The following NUP188 variants were observed in gnomAD, a reference collection of about 807,000 sequenced individuals.
The protein encoded by NUP188 is nucleoporin 188, also known as nucleoporin NUP188.
In NUP188, 97 loss-of-function variants were observed where a neutral mutation model predicts 223.0. The ratio of observed to expected loss-of-function variants is 0.43; its 90% CI spans 0.37 to 0.51. The LOEUF is 0.51. Ranked by LOEUF, NUP188 falls within the 20% of genes least tolerant of loss-of-function variation. The probability of loss-of-function intolerance (pLI) is 0.00; values close to 1 mark genes in which losing one functional copy is unlikely to be tolerated. For synonymous variants in NUP188, 869 were observed against 828.0 expected, an observed-to-expected ratio of 1.05 and a Z score of -0.85; for missense variants, 1,947 against 2,175.6, an observed-to-expected ratio of 0.89 and a Z score of 2.09.
Position 128,967,606 on chromosome 9 carries a change from A to G in NUP188, c.586-900A>G, listed in dbSNP as rs917122813. Among the ~76,000 whole-genome samples, 6 of 152,066 alleles carry G rather than the reference A, an allele frequency of 3.9e-5. No individual in the cohort carries two copies. The South Asian group carries it at 1.0e-3, about 26-fold the overall frequency. On this transcript the variant is annotated intron_variant, in intron 8 of 43. Transcript: ENST00000372577. ...GGAGTTTGAAACCAGTCTGGCCAAC[A>G]TAGTGAAACCCTGTCTCTACTAAAA...
At chr9:128,947,819 C>T in intron 1 of NUP188, 68 bp downstream of exon 1, 2 of 1,303,058 alleles carry the variant, frequency 1.5e-6, no homozygotes, top group South Asian at 2.1e-5. Context: ...GGAAGCGGGG[C>T]GGGAATTGGA....
intron 1 of NUP188, 59 bp downstream of exon 1, chr9:128,947,810 G>A: frequency 1.5e-6 from 2 of 1,327,210 alleles, no homozygotes; most frequent in Non-Finnish European, 1.9e-6. Flanking sequence ...AAGCCGAGCG[G>A]AAGCGGGGCG....
rs751217562 is a variant in NUP188, at chr9:128,998,673, G to C, written c.3515+50G>C. ...GCCCGAGGCCAGAGCCTTCTTGTCA[G>C]TGCCTGCTTGCCTTCCTGAAAGGGA... On this transcript the variant is annotated intron_variant, in intron 32 of 43. Coordinates refer to ENST00000372577, the MANE Select transcript of NUP188 (RefSeq NM_015354.3). The C allele has an allele frequency of 2.8e-6, 4 of 1,431,216 alleles. No individual in the cohort carries two copies. The South Asian group carries it at 4.6e-5, about 16-fold the overall frequency. 88.7% of individuals were successfully genotyped at this position (1,431,216 alleles called of 1,614,324 possible).
In NUP188 at chr9:128,993,422, A is replaced by T. The variant is rs768896129; in HGVS notation, c.2847+19A>T. 6.2e-7 allele frequency: 1 copy of T among 1,613,558 alleles called. No homozygotes were observed. ...CTCAAAGGTAAGCCTGTAACCTGGGATGACACTGGGAGTTGGCTCACTGGG... is the reference window on the plus strand; with the variant it reads ...CTCAAAGGTAAGCCTGTAACCTGGGTTGACACTGGGAGTTGGCTCACTGGG... On this transcript the variant is annotated intron_variant, in intron 26 of 43. Transcript: ENST00000372577.
intron 13 of NUP188, 87 bp downstream of exon 13, chr9:128,979,414 G>A: frequency 1.1e-6 from 1 of 917,306 alleles, no homozygotes; most frequent in Non-Finnish European, 1.7e-6. Context: ...GCATTCATGT[G>A]CATTTTCTCA....
At chr9:128,977,797 T>TA (rs1171015825) in intron 12 of NUP188, among the ~76,000 whole-genome samples, 1 of 151,908 alleles carries the variant, frequency 6.6e-6, no homozygotes, top group East Asian at 1.9e-4. Context: ...AAACTTCATC[T>TA]AAAAAAAAGA....
intron 8 of NUP188, among the ~76,000 whole-genome samples, chr9:128,961,812 G>A (rs1374833609): frequency 6.6e-6 from 1 of 151,608 alleles, no homozygotes; most frequent in East Asian, 1.9e-4. Context: ...GTAGATACAG[G>A]GTTTCTCCAT....
At position 129,005,635 on chromosome 9, in the gene NUP188, T is replaced by C; in HGVS notation, c.4738-10T>C. 6.2e-7 allele frequency: 1 copy of C among 1,612,952 alleles called. No homozygotes were observed. The highest frequency in any genetic ancestry group is 8.5e-7 in the Non-Finnish European group (1 of 1,179,330). On this transcript the variant is annotated splice_polypyrimidine_tract_variant and intron_variant, in intron 40 of 43. Transcript: ENST00000372577. ...ATTGGGTCCTGGATGGCTCTTGTCTTTTCTCGCAGTCCCTGGACCTTGCTG... is the reference window on the plus strand; with the variant it reads ...ATTGGGTCCTGGATGGCTCTTGTCTCTTCTCGCAGTCCCTGGACCTTGCTG...
chr9:128,967,051 A>C (rs1842039732), intron 8 of NUP188, among the ~76,000 whole-genome samples: 1 of 152,216 alleles, frequency 6.6e-6, no homozygotes, highest in Non-Finnish European at 1.5e-5. Context: ...TGTGTCACCC[A>C]GGCTGGGGTA....
chr9:128,978,903 G>C (rs1224802838), intron 12 of NUP188, among the ~76,000 whole-genome samples: 2 of 152,058 alleles, frequency 1.3e-5, no homozygotes, highest in African/African-American at 4.8e-5. Flanking sequence ...TAGACATGGG[G>C]TTTCACCATG....
chr9:128,957,204 G>A (rs1841883452), intron 5 of NUP188, among the ~76,000 whole-genome samples, 172 bp downstream of exon 5: 1 of 152,186 alleles, frequency 6.6e-6, no homozygotes, highest in African/African-American at 2.4e-5. Flanking sequence ...TGGGTGCAAT[G>A]GCTTGTGCCT....
chr9:128,998,689 C>T (rs1842575855), intron 32 of NUP188, 66 bp downstream of exon 32: 1 of 1,296,138 alleles, frequency 7.7e-7, no homozygotes, highest in Non-Finnish European at 1.1e-6. Flanking sequence ...GCTTGCCTTC[C>T]TGAAAGGGAG....
intron 12 of NUP188, among the ~76,000 whole-genome samples, chr9:128,974,061 C>CCA (rs1842138220): frequency 6.6e-6 from 1 of 152,072 alleles, no homozygotes; most frequent in Non-Finnish European, 1.5e-5. Flanking sequence ...GAGGTGCCTG[C>CCA]CACCGCGCCC....
chr9:128,970,791 A>T lies in NUP188; in HGVS notation c.946A>T (p.Ile316Phe). ...CTGTTTAATGTTGACCTTTGGGGACATTCCACATCATGCCCCAGTGCTTTT... is the reference window on the plus strand; with the variant it reads ...CTGTTTAATGTTGACCTTTGGGGACTTTCCACATCATGCCCCAGTGCTTTT... ...MDCLMLTFGD[I>F]PHHAPVLLAW... Residue 316 changes from isoleucine to phenylalanine, a missense_variant, in exon 11 of 44, where the codon ATT (isoleucine) becomes TTT (phenylalanine). Ile to Phe is a conservative substitution (Grantham distance 21). Coordinates refer to ENST00000372577, the MANE Select transcript of NUP188 (RefSeq NM_015354.3). 1 of 1,614,220 alleles carries T rather than the reference A, an allele frequency of 6.2e-7. No homozygotes were observed. Among genetic ancestry groups the T allele is most frequent in the Non-Finnish European group, 8.5e-7 (1 of 1,180,044 alleles).
chr9:129,002,897 G>T lies in NUP188; in HGVS notation c.4218G>T (p.Gln1406His). Residue 1406 changes from glutamine (Q) to histidine (H), a missense_variant, in exon 37 of 44, where the codon CAG (glutamine) becomes CAT (histidine). Gln to His is a conservative substitution (Grantham distance 24). Coordinates refer to ENST00000372577, the MANE Select transcript of NUP188 (RefSeq NM_015354.3). ...GCCTGTCCATGTCCCTGATGGAGCA[G>T]CTGCTCAAAACTCTGCGCTACAACT... ...VYRLSMSLME[Q>H]LLKTLRYNFL... The T allele has an allele frequency of 6.2e-7, 1 of 1,614,226 alleles. No individual in the cohort carries two copies. The highest frequency in any genetic ancestry group is 8.5e-7 in the Non-Finnish European group (1 of 1,180,038).
At chr9:128,948,076 CGTG>C in intron 1 of NUP188, 1 of 271,126 alleles carries the variant, frequency 3.7e-6, no homozygotes, top group East Asian at 6.1e-5. Flanking sequence ...CTTCTCCGGC[CGTG>C]ACGCTCCCTC....
intron 8 of NUP188, among the ~76,000 whole-genome samples, chr9:128,959,747 C>T (rs553762270): frequency 6.6e-6 from 1 of 151,714 alleles, no homozygotes; most frequent in Admixed American, 6.6e-5. Flanking sequence ...ACCATGTTGG[C>T]CAGGCTGGTC....
chr9:128,987,064 T>TGAGAGA (rs137999231), intron 22 of NUP188, among the ~76,000 whole-genome samples, 189 bp downstream of exon 22: 1,527 of 110,936 alleles, frequency 0.014, 13 homozygotes, highest in African/African-American at 0.029. Context: ...GAAGTAGGAA[T>TGAGAGA]GAGAGAGAGA....
rs182404307 is a variant in NUP188 at position 128,981,605 on chromosome 9, C to G, written c.1516+215C>G. 2.0e-5 allele frequency among the ~76,000 whole-genome samples: 3 copies of G among 152,192 alleles called. No individual in the cohort carries two copies. In the East Asian group the frequency reaches 5.8e-4, roughly 29 times the overall value. On this transcript the variant is annotated intron_variant, in intron 15 of 43. Transcript: ENST00000372577. Reference sequence around the variant, plus strand: ...TTACACTCTGAGGCTCACATCTGTACCAGGTGCTCAAAGAGGAAAATATAC... The same window carrying G: ...TTACACTCTGAGGCTCACATCTGTAGCAGGTGCTCAAAGAGGAAAATATAC...
Sources: gnomAD v4.1 joint callset for allele counts (sites outside exome capture counted in the v4.1 genomes callset) on GRCh38, gnomAD v4.1.1 for gene constraint, MANE v1.5 for transcripts, NCBI Gene and HGNC (gene_info 2026-07-23, HGNC 2026-07-21) for gene names.